The following PTPRG variants were observed in gnomAD, a reference collection of about 807,000 sequenced individuals.
PTPRG encodes the protein receptor-type tyrosine-protein phosphatase gamma.
A neutral mutation model predicts 165.3 loss-of-function variants in PTPRG; 102 were observed. The ratio of observed to expected loss-of-function variants is 0.62; its 90% CI spans 0.53 to 0.73. The LOEUF is 0.73. PTPRG is among the 30% of genes least tolerant of loss of function. The probability of loss-of-function intolerance (pLI) is 0.00; values close to 1 mark genes in which losing one functional copy is unlikely to be tolerated. For missense variants in PTPRG, 1,866 were observed against 1,861.4 expected, an observed-to-expected ratio of 1.00 and a Z score of -0.05; for synonymous variants, 675 against 669.5, an observed-to-expected ratio of 1.01 and a Z score of -0.13.
intron 2 of PTPRG, among the ~76,000 whole-genome samples, chr3:61,910,307 T>C (rs1286811634): frequency 1.3e-5 from 2 of 152,142 alleles, no homozygotes; most frequent in South Asian, 4.1e-4. Flanking sequence ...CAAAATGTGC[T>C]CCATCACTTC....
At chr3:61,778,160 C>G (rs990602726) in intron 2 of PTPRG, among the ~76,000 whole-genome samples, 1 of 152,002 alleles carries the variant, frequency 6.6e-6, no homozygotes, top group African/African-American at 2.4e-5. Context: ...ACAAAACGCT[C>G]AGAAAAGTGA....
At chr3:61,807,507 T>C (rs764824642) in intron 2 of PTPRG, among the ~76,000 whole-genome samples, 4 of 152,308 alleles carry the variant, frequency 2.6e-5, no homozygotes, top group Non-Finnish European at 5.9e-5. Context: ...TATTTTAACA[T>C]TGTGGTCAAT....
chr3:62,243,742 T>C, intron 14 of PTPRG, 65 bp from the exon 15 acceptor site: 1 of 1,035,554 alleles, frequency 9.7e-7, no homozygotes, highest in Non-Finnish European at 1.5e-6. Flanking sequence ...AAATAAGAAT[T>C]AAAAGAAGAT....
intron 4 of PTPRG, among the ~76,000 whole-genome samples, chr3:62,018,726 G>T (rs1024620502): frequency 6.6e-6 from 1 of 152,180 alleles, no homozygotes; most frequent in Non-Finnish European, 1.5e-5. Flanking sequence ...GGATGCATAG[G>T]AGGTCAACTC....
intron 1 of PTPRG, among the ~76,000 whole-genome samples, chr3:61,638,487 T>C (rs1424301565): frequency 1.3e-5 from 2 of 151,080 alleles, no homozygotes; most frequent in Non-Finnish European, 2.9e-5. Flanking sequence ...GCCTGGCTTG[T>C]TGTTCATAAA....
intron 2 of PTPRG, among the ~76,000 whole-genome samples, chr3:61,836,504 T>C (rs1203773993): frequency 6.6e-6 from 1 of 152,204 alleles, no homozygotes; most frequent in Admixed American, 6.5e-5. Context: ...TAATAAAATA[T>C]AGCAGCTACT....
intron 1 of PTPRG, among the ~76,000 whole-genome samples, chr3:61,694,811 G>A (rs113979529): frequency 3.9e-5 from 6 of 152,070 alleles, no homozygotes; most frequent in East Asian, 1.9e-4. Flanking sequence ...GAATTTGTAC[G>A]GTGTTCTGTT....
At chr3:61,944,975 A>C (rs2039720805) in intron 2 of PTPRG, among the ~76,000 whole-genome samples, 1 of 152,136 alleles carries the variant, frequency 6.6e-6, no homozygotes, top group African/African-American at 2.4e-5. Context: ...GCTCTGCTGG[A>C]AAAGAACGGA....
chr3:61,981,586 G>A (rs537563325), intron 2 of PTPRG, among the ~76,000 whole-genome samples: 3 of 152,210 alleles, frequency 2.0e-5, no homozygotes, highest in Admixed American at 2.0e-4. Flanking sequence ...ACATGCTGTT[G>A]GTGTAAATCA....
chr3:61,901,168 A>G (rs2038489894), intron 2 of PTPRG, among the ~76,000 whole-genome samples: 1 of 152,206 alleles, frequency 6.6e-6, no homozygotes, highest in African/African-American at 2.4e-5. Flanking sequence ...TCGGCTACCA[A>G]TAAACTTAAT....
rs534244383 is a variant in PTPRG, at chr3:61,708,379, T to G, written c.86-40499T>G. 1.1e-4 allele frequency among the ~76,000 whole-genome samples: 16 copies of G among 149,192 alleles called. No individual in the cohort carries two copies. In the South Asian group the frequency reaches 3.5e-3, roughly 32 times the overall value. On this transcript the variant is annotated intron_variant, in intron 1 of 29. Coordinates refer to ENST00000474889, the MANE Select transcript of PTPRG (RefSeq NM_002841.4). ...CTGGGCACCTTTCTCACAGCCCAAC[T>G]GGGGGATCATTAGCTCACCAAAACT...
At chr3:61,657,934 A>G (rs1334210517) in intron 1 of PTPRG, among the ~76,000 whole-genome samples, 1 of 152,018 alleles carries the variant, frequency 6.6e-6, no homozygotes, top group Non-Finnish European at 1.5e-5. Context: ...TGGCAGTGTG[A>G]CCCTGGTTGT....
At chr3:61,860,933 C>A (rs2037250970) in intron 2 of PTPRG, among the ~76,000 whole-genome samples, 1 of 152,120 alleles carries the variant, frequency 6.6e-6, no homozygotes, top group Non-Finnish European at 1.5e-5. Context: ...GCACCACAGG[C>A]AGGGTTGCCA....
chr3:61,656,728 G>C (rs1156563260), intron 1 of PTPRG, among the ~76,000 whole-genome samples: 1 of 152,210 alleles, frequency 6.6e-6, no homozygotes, highest in Non-Finnish European at 1.5e-5. Context: ...CATTCTTGTA[G>C]ATTGAAGATA....
chr3:61,655,112 G>A (rs772952968), intron 1 of PTPRG, among the ~76,000 whole-genome samples: 1 of 152,104 alleles, frequency 6.6e-6, no homozygotes, highest in Non-Finnish European at 1.5e-5. Flanking sequence ...GCTTATTGAG[G>A]TGTGCGGCAG....
intron 2 of PTPRG, among the ~76,000 whole-genome samples, chr3:61,758,258 A>G (rs2033700941): frequency 6.6e-6 from 1 of 152,112 alleles, no homozygotes; most frequent in African/African-American, 2.4e-5. Flanking sequence ...AAGTGCTGGG[A>G]TTACAGGCAT....
chr3:62,127,632 G>T lies in PTPRG; in HGVS notation c.616-4970G>T, dbSNP rs148112078. On this transcript the variant is annotated intron_variant, in intron 5 of 29. Transcript: ENST00000474889. Reference sequence around the variant, plus strand: ...TGGATGTGATGTTTATGGAACTAAAGGAGCAGCTGGCGGTGTCGGATTCAA... The same window carrying T: ...TGGATGTGATGTTTATGGAACTAAATGAGCAGCTGGCGGTGTCGGATTCAA... Among the ~76,000 whole-genome samples, 7 of 152,314 alleles carry T rather than the reference G, an allele frequency of 4.6e-5. No individual in the cohort carries two copies. In the East Asian group the frequency reaches 1.4e-3, roughly 29 times the overall value.
At chr3:62,133,551 G>A (rs577712942) in intron 6 of PTPRG, among the ~76,000 whole-genome samples, 10 of 152,256 alleles carry the variant, frequency 6.6e-5, no homozygotes, top group African/African-American at 2.4e-4. Context: ...CAGTTGTCAG[G>A]GGTCAATTGG....
intron 28 of PTPRG, among the ~76,000 whole-genome samples, chr3:62,290,357 AATCTGGTTTCAAAATT>A (rs1165887140): frequency 6.6e-6 from 1 of 152,178 alleles, no homozygotes; most frequent in Non-Finnish European, 1.5e-5. Flanking sequence ...GTTCCTTAAC[AATCTGGTTTCAAAATT>A]ACTATGAAAC....
Sources: allele counts gnomAD v4.1 joint callset (sites outside exome capture counted in the v4.1 genomes callset), GRCh38; gene constraint gnomAD v4.1.1; transcripts MANE v1.5; gene names NCBI Gene and HGNC (gene_info 2026-07-23, HGNC 2026-07-21).